Variants in GOLM1 observed in about 807,000 individuals in gnomAD.
The protein encoded by GOLM1 is epididymis luminal protein 46.
GOLM1 carries 31 observed loss-of-function variants against 50.5 expected under a neutral mutation model. The ratio of observed to expected loss-of-function variants is 0.61; its 90% confidence interval spans 0.46 to 0.83. GOLM1 has a LOEUF of 0.83. Among genes scored for constraint, GOLM1 ranks in the 40% least tolerant of loss-of-function variants. GOLM1 has a pLI of 0.00. For missense variants in GOLM1, 491 were observed against 501.3 expected, an observed-to-expected ratio of 0.98 and a Z score of 0.20; for synonymous variants, 178 against 192.8, an observed-to-expected ratio of 0.92 and a Z score of 0.64.
rs1833037947 is a variant in GOLM1 at position 86,033,293 on chromosome 9, C to CT, written c.1117dup (p.Arg373LysfsTer7). On this transcript the variant is annotated frameshift_variant, in exon 9 of 10. Transcript: ENST00000388712. LOFTEE classifies it high-confidence loss of function. The stretch of plus-strand genomic sequence containing the variant: ...GGCCCCATTCTTACCATCTATGTTT[C>CT]TGTCATTCCCTGCCAGGGCTGCTTG... 1 of 1,594,350 alleles carries CT rather than the reference C, an allele frequency of 6.3e-7. No homozygotes were observed. Among genetic ancestry groups the CT allele is most frequent in the African/African-American group, 1.3e-5 (1 of 74,618 alleles).
At chr9:86,059,910 A>T (rs886127661) in intron 3 of GOLM1, among the ~76,000 whole-genome samples, 1 of 150,974 alleles carries the variant, frequency 6.6e-6, no homozygotes, top group African/African-American at 2.5e-5. Flanking sequence ...AAAAAAAAAA[A>T]AAAAAAAAAA....
At chr9:86,058,217 G>A (rs572476221) in intron 3 of GOLM1, among the ~76,000 whole-genome samples, 32 of 152,184 alleles carry the variant, frequency 2.1e-4, no homozygotes, top group Non-Finnish European at 4.3e-4. Flanking sequence ...AGTTGTACCC[G>A]GAAATTAAAA....
chr9:86,096,177 GTTT>G (rs11475801), intron 1 of GOLM1, among the ~76,000 whole-genome samples: 3 of 140,584 alleles, frequency 2.1e-5, no homozygotes, highest in Non-Finnish European at 4.7e-5. Flanking sequence ...TGCTCGATAG[GTTT>G]TTTTTTTTTT....
intron 3 of GOLM1, among the ~76,000 whole-genome samples, chr9:86,067,095 C>T (rs1020449835): frequency 2.4e-4 from 37 of 152,174 alleles, no homozygotes; most frequent in Admixed American, 2.0e-3. Flanking sequence ...ACCACCACAC[C>T]CAGCTAATTT....
chr9:86,069,976 C>A (rs147204797), intron 3 of GOLM1, among the ~76,000 whole-genome samples: 132 of 152,158 alleles, frequency 8.7e-4, no homozygotes, highest in African/African-American at 2.8e-3. Context: ...CTCCGCCTCC[C>A]GGGTTCAAGC....
chr9:86,050,692 G>A (rs1263476923), intron 4 of GOLM1, among the ~76,000 whole-genome samples: 4 of 152,168 alleles, frequency 2.6e-5, no homozygotes, highest in African/African-American at 9.7e-5. Context: ...TTGTATTTCT[G>A]TGGGATCGGT....
chr9:86,051,007 A>C (rs1442430102), intron 4 of GOLM1, among the ~76,000 whole-genome samples: 2 of 152,198 alleles, frequency 1.3e-5, no homozygotes, highest in Non-Finnish European at 2.9e-5. Flanking sequence ...ATTTAGTGCT[A>C]TAAATTTCCC....
rs1212724794 is a variant in GOLM1, at chr9:86,079,261, G to A, written c.60C>T (p.Ala20=). 1.2e-6 allele frequency: 2 copies of A among 1,611,014 alleles called. No individual in the cohort carries two copies. Among genetic ancestry groups the A allele is most frequent in the East Asian group, 2.2e-5 (1 of 44,800 alleles). ...SMKSPPLVLA[A]LVACIIVLGF... ...CCAAGACGATGATGCAGGCCACCAG[G>A]GCGGCCAGCACGAGGGGCGGCGACT... Residue 20 remains alanine (A), a synonymous_variant, in exon 2 of 10, where the codon GCC becomes GCT. Transcript: ENST00000388712.
intron 1 of GOLM1, among the ~76,000 whole-genome samples, chr9:86,086,510 T>A (rs1485543413): frequency 6.6e-6 from 1 of 152,208 alleles, no homozygotes; most frequent in East Asian, 1.9e-4. Context: ...CCATTTCTTT[T>A]GGTGTTTTAG....
intron 1 of GOLM1, among the ~76,000 whole-genome samples, chr9:86,090,568 AT>A (rs1198208463): frequency 6.6e-6 from 1 of 152,106 alleles, no homozygotes; most frequent in Non-Finnish European, 1.5e-5. Flanking sequence ...AGCCTCAGCA[AT>A]GGCGGATGCC....
At chr9:86,091,892 T>C (rs1021418717) in intron 1 of GOLM1, among the ~76,000 whole-genome samples, 1 of 152,256 alleles carries the variant, frequency 6.6e-6, no homozygotes, top group East Asian at 1.9e-4. Context: ...AAAAAATTTA[T>C]TGAGCAGCTA....
chr9:86,098,318 C>G (rs1216492985), intron 1 of GOLM1, among the ~76,000 whole-genome samples: 19 of 152,134 alleles, frequency 1.2e-4, no homozygotes, highest in Admixed American at 1.2e-3. Context: ...TTTGGAGACC[C>G]ACAAAAACTG....
Position 86,027,300 on chromosome 9 carries a change from G to C in GOLM1, c.*517C>G. 1.0e-6 allele frequency: 1 copy of C among 985,586 alleles called. No individual in the cohort carries two copies. The highest frequency in any genetic ancestry group is 1.2e-6 in the Non-Finnish European group (1 of 830,058). 61.1% of individuals were successfully genotyped at this position (985,586 alleles called of 1,614,324 possible). On this transcript the variant is annotated 3_prime_UTR_variant, in exon 10 of 10. Transcript: ENST00000388712. The stretch of plus-strand genomic sequence containing the variant: ...GTTTGTGTTAACAGTCAGTGCTCTA[G>C]GCCATTGATTGATTGATTGTCAGAA...
At chr9:86,093,858 A>G (rs907497586) in intron 1 of GOLM1, among the ~76,000 whole-genome samples, 1 of 152,248 alleles carries the variant, frequency 6.6e-6, no homozygotes, top group Admixed American at 6.5e-5. Flanking sequence ...GCAAATATAT[A>G]GGAGCAATCG....
intron 9 of GOLM1, among the ~76,000 whole-genome samples, chr9:86,029,892 A>G (rs891833849): frequency 1.3e-5 from 2 of 152,092 alleles, no homozygotes; most frequent in Non-Finnish European, 2.9e-5. Flanking sequence ...AAAGCCCATC[A>G]TTTAGTAGGA....
At chr9:86,034,113 T>C (rs1833065603) in intron 8 of GOLM1, among the ~76,000 whole-genome samples, 1 of 152,072 alleles carries the variant, frequency 6.6e-6, no homozygotes, top group Non-Finnish European at 1.5e-5. Context: ...TACAGGCACG[T>C]GCTGCCATGC....
intron 1 of GOLM1, among the ~76,000 whole-genome samples, chr9:86,087,062 T>C (rs1400174728): frequency 6.6e-6 from 1 of 152,226 alleles, no homozygotes; most frequent in Non-Finnish European, 1.5e-5. Flanking sequence ...ATTTTCACGA[T>C]ATTGATTCTT....
chr9:86,077,366 C>A, intron 3 of GOLM1, 46 bp downstream of exon 3: 1 of 1,475,638 alleles, frequency 6.8e-7, no homozygotes, highest in Non-Finnish European at 9.5e-7. Context: ...ACAATGTAGA[C>A]ACCATCCCTT....
chr9:86,049,133 T>C (rs138867711), intron 4 of GOLM1, among the ~76,000 whole-genome samples: 1,921 of 152,334 alleles, frequency 0.013, 45 homozygotes, highest in East Asian at 0.085. Context: ...AAATAGGGAA[T>C]CCTTTCCCCA....
Sources: gnomAD v4.1 joint callset for allele counts (sites outside exome capture counted in the v4.1 genomes callset) on GRCh38, gnomAD v4.1.1 for gene constraint, MANE v1.5 for transcripts, NCBI Gene and HGNC (gene_info 2026-07-23, HGNC 2026-07-21) for gene names.